The following NTM variants were observed in gnomAD, a reference collection of about 807,000 sequenced individuals.
NTM encodes neurotrimin.
A neutral mutation model predicts 42.1 loss-of-function variants in NTM; 13 were observed. The observed-to-expected ratio is 0.31, with a 90% confidence interval of 0.20 to 0.49. The LOEUF (loss-of-function observed/expected upper bound fraction) is 0.49. Among genes scored for constraint, NTM ranks in the 20% least tolerant of loss-of-function variants. The pLI is 0.99. For missense variants in NTM, 373 were observed against 452.8 expected (o/e 0.82, Z 1.60); for synonymous variants, 187 against 179.2 (o/e 1.04, Z -0.35).
intron 1 of NTM, among the ~76,000 whole-genome samples, chr11:131,867,241 C>T (rs78774334): frequency 0.011 from 1,606 of 152,330 alleles, 31 homozygotes; most frequent in African/African-American, 0.037. Context: ...GAGAGCAGGT[C>T]TCAGGGATGC....
intron 2 of NTM, chr11:132,141,064 C>T (rs2069010553): frequency 6.6e-6 from 1 of 152,254 alleles, no homozygotes; most frequent in African/African-American, 2.4e-5. Flanking sequence ...CTCAGATCTT[C>T]AGGCAGGTGT....
intron 1 of NTM, among the ~76,000 whole-genome samples, chr11:131,715,568 G>A (rs1246662790): frequency 1.3e-5 from 2 of 152,148 alleles, no homozygotes; most frequent in African/African-American, 2.4e-5. Flanking sequence ...TCATCACAAT[G>A]ATCATAGTGA....
At chr11:132,278,046 C>T (rs574861697) in intron 4 of NTM, among the ~76,000 whole-genome samples, 1 of 152,338 alleles carries the variant, frequency 6.6e-6, no homozygotes, top group South Asian at 2.1e-4. Context: ...ACCGCTTAAT[C>T]ACTGTGGTAT....
At chr11:131,515,945 C>A (rs936421699) in intron 1 of NTM, among the ~76,000 whole-genome samples, 3 of 152,088 alleles carry the variant, frequency 2.0e-5, no homozygotes, top group African/African-American at 7.2e-5. Context: ...AAAGATAAGG[C>A]TTTTGCATGT....
At chr11:131,895,288 C>T (rs1157992792) in intron 1 of NTM, among the ~76,000 whole-genome samples, 2 of 152,180 alleles carry the variant, frequency 1.3e-5, no homozygotes, top group African/African-American at 2.4e-5. Context: ...CTGGACCTGG[C>T]ATGGGCTGGA....
intron 1 of NTM, among the ~76,000 whole-genome samples, chr11:131,763,709 C>CTCTTTTTTTTTTTT (rs2084620795): frequency 4.2e-5 from 3 of 71,378 alleles, no homozygotes; most frequent in African/African-American, 1.7e-4. Flanking sequence ...ATCTCTCTCT[C>CTCTTTTTTTTTTTT]TTTTTTTTTT....
intron 2 of NTM, among the ~76,000 whole-genome samples, chr11:131,991,267 A>G (rs2066971491): frequency 6.6e-6 from 1 of 152,094 alleles, no homozygotes; most frequent in Non-Finnish European, 1.5e-5. Flanking sequence ...TGCCATAACC[A>G]TGCATCTCTT....
At chr11:131,867,771 G>A (rs749370620) in intron 1 of NTM, among the ~76,000 whole-genome samples, 23 of 152,218 alleles carry the variant, frequency 1.5e-4, no homozygotes, top group Middle Eastern at 3.4e-3. Flanking sequence ...TGTATGATGC[G>A]GGCATGAGAT....
At chr11:131,679,365 A>G (rs1457877177) in intron 1 of NTM, among the ~76,000 whole-genome samples, 1 of 152,164 alleles carries the variant, frequency 6.6e-6, no homozygotes, top group Non-Finnish European at 1.5e-5. Flanking sequence ...TCTAGATCAA[A>G]TGGAGGAAAG....
intron 1 of NTM, among the ~76,000 whole-genome samples, chr11:131,691,926 A>G (rs1470353979): frequency 6.6e-6 from 1 of 152,224 alleles, no homozygotes; most frequent in Non-Finnish European, 1.5e-5. Context: ...GAAGTTGAAC[A>G]CTATGGCATC....
At chr11:132,282,728 A>G (rs976547116) in intron 4 of NTM, among the ~76,000 whole-genome samples, 1 of 152,220 alleles carries the variant, frequency 6.6e-6, no homozygotes, top group Non-Finnish European at 1.5e-5. Context: ...TAGGACAGGT[A>G]AAGTGATAAA....
chr11:132,290,135 T>C (rs1044672896), intron 4 of NTM, among the ~76,000 whole-genome samples: 8 of 152,232 alleles, frequency 5.3e-5, no homozygotes, highest in African/African-American at 1.9e-4. Flanking sequence ...CATTTATGTA[T>C]TTTTGTCAGT....
chr11:132,254,577 C>T (rs964108019), intron 4 of NTM, among the ~76,000 whole-genome samples: 1 of 152,090 alleles, frequency 6.6e-6, no homozygotes, highest in Non-Finnish European at 1.5e-5. Flanking sequence ...ACTCTTCCCT[C>T]ATTCCTTTAA....
At chr11:131,727,569 A>G (rs2079113739) in intron 1 of NTM, among the ~76,000 whole-genome samples, 2 of 152,204 alleles carry the variant, frequency 1.3e-5, no homozygotes, top group Non-Finnish European at 2.9e-5. Flanking sequence ...TAAGTAAGAA[A>G]AAACCCATTT....
At chr11:131,556,675 C>G (rs1020718864) in intron 1 of NTM, among the ~76,000 whole-genome samples, 1 of 145,868 alleles carries the variant, frequency 6.9e-6, no homozygotes, top group Admixed American at 7.2e-5. Flanking sequence ...TTAAGTGATT[C>G]TTCTGCCTCA....
intron 1 of NTM, among the ~76,000 whole-genome samples, chr11:131,639,881 G>A (rs1437132522): frequency 6.6e-6 from 1 of 151,984 alleles, no homozygotes; most frequent in Non-Finnish European, 1.5e-5. Context: ...ACTTGAACCC[G>A]GGAGGCGGAG....
intron 2 of NTM, among the ~76,000 whole-genome samples, chr11:132,074,843 G>A (rs2058156867): frequency 6.6e-6 from 1 of 152,292 alleles, no homozygotes; most frequent in East Asian, 1.9e-4. Flanking sequence ...TAGTTAGAAG[G>A]AGGATATTGA....
At chr11:132,322,291 G>C (rs1411774640) in intron 7 of NTM, among the ~76,000 whole-genome samples, 1 of 151,866 alleles carries the variant, frequency 6.6e-6, no homozygotes, top group African/African-American at 2.4e-5. Context: ...CCCATCTCAT[G>C]TGCAGAGACA....
At chr11:132,161,267 A>G (rs1489207393) in intron 3 of NTM, among the ~76,000 whole-genome samples, 1 of 151,906 alleles carries the variant, frequency 6.6e-6, no homozygotes, top group African/African-American at 2.4e-5. Flanking sequence ...AGATCGGCAG[A>G]ATCAGCAGAT....
Sources: allele counts gnomAD v4.1 joint callset (sites outside exome capture counted in the v4.1 genomes callset), GRCh38; gene constraint gnomAD v4.1.1; transcripts MANE v1.5; gene names NCBI Gene and HGNC (gene_info 2026-07-23, HGNC 2026-07-21).